Variants in GRIA4 observed in about 807,000 individuals in gnomAD.
The protein encoded by GRIA4 is glutamate ionotropic receptor AMPA type subunit 4.
GRIA4 carries 34 observed loss-of-function variants against 104.0 expected under a neutral mutation model. That is an observed-to-expected ratio of 0.33 (90% CI 0.25 to 0.44). GRIA4 has a LOEUF of 0.44. GRIA4 is among the 20% of genes least tolerant of loss of function. GRIA4 has a pLI of 1.00. For synonymous variants in GRIA4, 386 were observed against 381.9 expected, an observed-to-expected ratio of 1.01 and a Z score of -0.13; for missense variants, 750 against 1,096.5, an observed-to-expected ratio of 0.68 and a Z score of 4.46.
chr11:105,632,397 C>T (rs1443977322), intron 3 of GRIA4, among the ~76,000 whole-genome samples: 1 of 152,162 alleles, frequency 6.6e-6, no homozygotes, highest in Admixed American at 6.6e-5. Context: ...TGTCTGTCCC[C>T]ATTTTTTTCA....
intron 3 of GRIA4, among the ~76,000 whole-genome samples, chr11:105,662,360 A>G (rs542793894): frequency 1.6e-4 from 24 of 151,976 alleles, no homozygotes; most frequent in Admixed American, 7.2e-4. Flanking sequence ...TTTTCCACTG[A>G]TAAAAAATAA....
chr11:105,824,257 C>A (rs758062482), intron 4 of GRIA4, among the ~76,000 whole-genome samples: 1 of 152,102 alleles, frequency 6.6e-6, no homozygotes, highest in Non-Finnish European at 1.5e-5. Context: ...GTTCCACCCC[C>A]TGTTCATCCC....
intron 4 of GRIA4, among the ~76,000 whole-genome samples, chr11:105,838,565 C>G (rs1000938906): frequency 3.3e-5 from 5 of 152,146 alleles, no homozygotes; most frequent in African/African-American, 9.7e-5. Flanking sequence ...AGGTTAAAAT[C>G]CCTGAGGACT....
chr11:105,668,935 G>C (rs1301337934), intron 3 of GRIA4, among the ~76,000 whole-genome samples: 2 of 151,670 alleles, frequency 1.3e-5, no homozygotes, highest in Non-Finnish European at 2.9e-5. Flanking sequence ...CCATGTATCT[G>C]TCTCTAACCT....
At chr11:105,703,585 T>C (rs1317159594) in intron 3 of GRIA4, among the ~76,000 whole-genome samples, 4 of 152,166 alleles carry the variant, frequency 2.6e-5, no homozygotes, top group Non-Finnish European at 5.9e-5. Context: ...AAATAAATAT[T>C]GGAAGTAAAC....
chr11:105,915,663 G>A (rs1025111449), intron 10 of GRIA4, among the ~76,000 whole-genome samples: 1 of 152,082 alleles, frequency 6.6e-6, no homozygotes, highest in Admixed American at 6.6e-5. Flanking sequence ...TGTTTACATA[G>A]AAGATCATAT....
Position 105,653,999 on chromosome 11 carries a change from C to CAAAAAAAAAAAAAAAAAAAAAAAAAAA in GRIA4, c.247+41567_247+41593dup. Among the ~76,000 whole-genome samples, 5 of 50,262 alleles carry CAAAAAAAAAAAAAAAAAAAAAAAAAAA rather than the reference C, an allele frequency of 9.9e-5. 2 individuals are homozygous for CAAAAAAAAAAAAAAAAAAAAAAAAAAA. Among genetic ancestry groups the CAAAAAAAAAAAAAAAAAAAAAAAAAAA allele is most frequent in the African/African-American group, 3.1e-4 (4 of 12,708 alleles). The allele number at this position is 50,262 out of a possible 152,430, so 33.0% of individuals were successfully genotyped here. A position where few individuals can be genotyped will look rare whatever the true frequency, so the allele number is the denominator to read the frequency against. Reference sequence around the variant, plus strand: ...TATATGCAACGGAACACTATTTAGCCAAAAAAAAAAAAAAAAAAAAAAAAA... The same window carrying CAAAAAAAAAAAAAAAAAAAAAAAAAAA: ...TATATGCAACGGAACACTATTTAGCCAAAAAAAAAAAAAAAAAAAAAAAAAAAAAAAAAAAAAAAAAAAAAAAAAAAA... On this transcript the variant is annotated intron_variant, in intron 3 of 16. Coordinates refer to ENST00000282499, the MANE Select transcript of GRIA4 (RefSeq NM_000829.4).
chr11:105,771,942 G>A (rs566192081), intron 4 of GRIA4, among the ~76,000 whole-genome samples: 12 of 151,972 alleles, frequency 7.9e-5, no homozygotes, highest in African/African-American at 2.4e-4. Context: ...CACACACACA[G>A]ACTGTACATA....
intron 3 of GRIA4, among the ~76,000 whole-genome samples, chr11:105,703,301 T>C (rs1027202966): frequency 2.6e-5 from 4 of 152,160 alleles, no homozygotes; most frequent in Admixed American, 6.6e-5. Context: ...GAAGACATTA[T>C]AACATATGTG....
chr11:105,706,653 G>GTACAA (rs1953713014), intron 3 of GRIA4: 1 of 152,662 alleles, frequency 6.6e-6, no homozygotes, highest in Admixed American at 6.6e-5. Context: ...CCAATCCAGG[G>GTACAA]GAAATCAAGA....
chr11:105,864,678 C>G (rs1430166087), intron 5 of GRIA4, among the ~76,000 whole-genome samples: 1 of 152,084 alleles, frequency 6.6e-6, no homozygotes, highest in Non-Finnish European at 1.5e-5. Context: ...CGAGACCAGC[C>G]TGACAAACAT....
intron 5 of GRIA4, among the ~76,000 whole-genome samples, chr11:105,875,843 G>C (rs1285391555): frequency 6.6e-6 from 1 of 151,386 alleles, no homozygotes; most frequent in African/African-American, 2.4e-5. Context: ...TATCTATTTT[G>C]TTAATCTTTT....
At chr11:105,821,350 C>G (rs1226061758) in intron 4 of GRIA4, among the ~76,000 whole-genome samples, 2 of 152,004 alleles carry the variant, frequency 1.3e-5, no homozygotes, top group Non-Finnish European at 2.9e-5. Context: ...TCTTGCATTG[C>G]TATAAAGAAA....
intron 4 of GRIA4, among the ~76,000 whole-genome samples, chr11:105,815,120 G>C (rs1011414263): frequency 6.6e-6 from 1 of 152,174 alleles, no homozygotes; most frequent in Non-Finnish European, 1.5e-5. Flanking sequence ...TAGAGTGACA[G>C]AGTCCTGACA....
At chr11:105,739,606 C>T (rs887457597) in intron 3 of GRIA4, among the ~76,000 whole-genome samples, 5 of 152,142 alleles carry the variant, frequency 3.3e-5, no homozygotes, top group Admixed American at 6.6e-5. Context: ...TTAGCATTTA[C>T]ATATTAATAA....
At chr11:105,843,071 T>A (rs1944453926) in intron 4 of GRIA4, among the ~76,000 whole-genome samples, 1 of 152,222 alleles carries the variant, frequency 6.6e-6, no homozygotes, top group African/African-American at 2.4e-5. Flanking sequence ...ACAAGGACAA[T>A]GTCCTCAGAG....
At chr11:105,622,199 G>A (rs1219024961) in intron 3 of GRIA4, among the ~76,000 whole-genome samples, 2 of 151,542 alleles carry the variant, frequency 1.3e-5, no homozygotes, top group African/African-American at 4.8e-5. Context: ...TGGCTTCAGG[G>A]TGTTGTGTTA....
chr11:105,739,209 C>G (rs946280850), intron 3 of GRIA4, among the ~76,000 whole-genome samples: 9 of 152,136 alleles, frequency 5.9e-5, no homozygotes, highest in Admixed American at 3.9e-4. Context: ...CTTTGTAGGC[C>G]TTGGAAGCAA....
intron 3 of GRIA4, among the ~76,000 whole-genome samples, chr11:105,639,683 T>A (rs1034834888): frequency 6.6e-6 from 1 of 152,012 alleles, no homozygotes; most frequent in Non-Finnish European, 1.5e-5. Context: ...TATCTATAAA[T>A]AATGTTGTTT....
Sources: allele counts gnomAD v4.1 joint callset (sites outside exome capture counted in the v4.1 genomes callset), GRCh38; gene constraint gnomAD v4.1.1; transcripts MANE v1.5; gene names NCBI Gene and HGNC (gene_info 2026-07-23, HGNC 2026-07-21).